The following RFX3 variants were observed in gnomAD, a reference collection of about 807,000 sequenced individuals.
RFX3 encodes transcription factor RFX3.
In RFX3, 14 loss-of-function variants were observed where a neutral mutation model predicts 98.6. The ratio of observed to expected loss-of-function variants is 0.14; its 90% CI spans 0.09 to 0.22. The LOEUF is 0.22. Ranked by LOEUF, RFX3 falls within the 10% of genes least tolerant of loss-of-function variation. The pLI is 1.00. For missense variants in RFX3, 639 were observed against 926.9 expected (o/e 0.69, Z 4.03); for synonymous variants, 383 against 328.4 (o/e 1.17, Z -1.80).
chr9:3,279,750 T>C (rs1184296217), intron 7 of RFX3, among the ~76,000 whole-genome samples: 1 of 151,866 alleles, frequency 6.6e-6, no homozygotes, highest in Non-Finnish European at 1.5e-5. Flanking sequence ...TGGAGACAGC[T>C]GTTAGTATTG....
chr9:3,336,095 T>C (rs1833144236), intron 3 of RFX3, among the ~76,000 whole-genome samples: 1 of 152,180 alleles, frequency 6.6e-6, no homozygotes, highest in Non-Finnish European at 1.5e-5. Context: ...AATCAACCAA[T>C]GGCATGAAAG....
At chr9:3,496,593 T>A (rs115246154) in intron 1 of RFX3, among the ~76,000 whole-genome samples, 1 of 152,044 alleles carries the variant, frequency 6.6e-6, no homozygotes, top group East Asian at 1.9e-4. Flanking sequence ...AATTCTGTAC[T>A]ATCACGTTAA....
intron 14 of RFX3, among the ~76,000 whole-genome samples, chr9:3,256,362 T>C (rs1249775380): frequency 2.0e-5 from 3 of 149,800 alleles, no homozygotes; most frequent in African/African-American, 7.3e-5. Flanking sequence ...TTTACATTAA[T>C]TCTGATGTGC....
chr9:3,349,769 C>A (rs761369022), intron 2 of RFX3, among the ~76,000 whole-genome samples: 2 of 152,016 alleles, frequency 1.3e-5, no homozygotes, highest in East Asian at 3.9e-4. Flanking sequence ...CTGTTCTGAA[C>A]CTTGCTTCTT....
chr9:3,285,607 T>C (rs1379534995), intron 7 of RFX3, among the ~76,000 whole-genome samples: 2 of 151,582 alleles, frequency 1.3e-5, no homozygotes, highest in African/African-American at 4.8e-5. Flanking sequence ...CCCATGCAAT[T>C]GGCAACAGTA....
At chr9:3,330,703 T>C (rs1832494116) in intron 3 of RFX3, among the ~76,000 whole-genome samples, 186 bp from the exon 4 acceptor site, 1 of 152,210 alleles carries the variant, frequency 6.6e-6, no homozygotes, top group Non-Finnish European at 1.5e-5. Context: ...AAGGGGCCAC[T>C]CATTTAAATA....
At chr9:3,483,812 C>T (rs1485758802) in intron 1 of RFX3, among the ~76,000 whole-genome samples, 1 of 152,086 alleles carries the variant, frequency 6.6e-6, no homozygotes, top group Admixed American at 6.6e-5. Context: ...ACATGCATTA[C>T]CTGAGTAAAT....
At chr9:3,319,452 CTAAT>C (rs1177301612) in intron 4 of RFX3, among the ~76,000 whole-genome samples, 1 of 151,916 alleles carries the variant, frequency 6.6e-6, no homozygotes, top group Admixed American at 6.6e-5. Flanking sequence ...CCAGTTAACT[CTAAT>C]TAAAGGGTGA....
chr9:3,252,902 G>A (rs1187266032), intron 14 of RFX3, among the ~76,000 whole-genome samples: 3 of 152,170 alleles, frequency 2.0e-5, no homozygotes, highest in Non-Finnish European at 4.4e-5. Flanking sequence ...AGAATCAGTT[G>A]AATTGTATCA....
chr9:3,497,649 G>A (rs2133596955), intron 1 of RFX3, among the ~76,000 whole-genome samples: 1 of 151,918 alleles, frequency 6.6e-6, no homozygotes, highest in East Asian at 1.9e-4. Context: ...TATTATTACA[G>A]GAATGTGAAA....
intron 14 of RFX3, among the ~76,000 whole-genome samples, chr9:3,252,493 T>C (rs1397151115): frequency 6.6e-6 from 1 of 152,068 alleles, no homozygotes; most frequent in Non-Finnish European, 1.5e-5. Flanking sequence ...TGGATTGAAG[T>C]GAGGAAACGA....
At chr9:3,339,717 G>A (rs936378456) in intron 3 of RFX3, among the ~76,000 whole-genome samples, 2 of 152,060 alleles carry the variant, frequency 1.3e-5, no homozygotes, top group Non-Finnish European at 2.9e-5. Context: ...AGAGACAAGT[G>A]ATCAGTTAAG....
chr9:3,504,460 C>T (rs1587880810), intron 1 of RFX3, among the ~76,000 whole-genome samples: 1 of 121,984 alleles, frequency 8.2e-6, no homozygotes, highest in Non-Finnish European at 1.6e-5. Context: ...TATTATATGC[C>T]ATATGGTATA....
chr9:3,283,454 A>G (rs968852918), intron 7 of RFX3, among the ~76,000 whole-genome samples: 1 of 151,756 alleles, frequency 6.6e-6, no homozygotes, highest in Non-Finnish European at 1.5e-5. Context: ...TACACTCTGC[A>G]GAAGTGCCTA....
intron 1 of RFX3, among the ~76,000 whole-genome samples, chr9:3,471,497 T>C (rs967517988): frequency 6.6e-6 from 1 of 152,242 alleles, no homozygotes; most frequent in African/African-American, 2.4e-5. Flanking sequence ...GAAACATTTC[T>C]ATGCCTACCC....
chr9:3,393,021 T>G (rs1840469765), intron 2 of RFX3, among the ~76,000 whole-genome samples: 3 of 108,488 alleles, frequency 2.8e-5, no homozygotes, highest in African/African-American at 1.1e-4. Flanking sequence ...TATGGTTCAA[T>G]CTGTCAAGAA....
intron 14 of RFX3, among the ~76,000 whole-genome samples, chr9:3,254,378 A>G (rs1305450232): frequency 6.6e-6 from 1 of 152,040 alleles, no homozygotes; most frequent in Non-Finnish European, 1.5e-5. Flanking sequence ...TTGGATGTAG[A>G]GGATGGACTC....
intron 2 of RFX3, among the ~76,000 whole-genome samples, chr9:3,370,256 G>C (rs1298508267): frequency 6.6e-6 from 1 of 150,540 alleles, no homozygotes; most frequent in Non-Finnish European, 1.5e-5. Context: ...TAATATATAG[G>C]GTTCAATTCA....
intron 7 of RFX3, among the ~76,000 whole-genome samples, chr9:3,281,539 C>A (rs1825915146): frequency 6.6e-6 from 1 of 151,690 alleles, no homozygotes; most frequent in Non-Finnish European, 1.5e-5. Context: ...CTGAGAAAGA[C>A]CTGTGCTTTA....
Sources: gnomAD v4.1 joint callset for allele counts (sites outside exome capture counted in the v4.1 genomes callset) on GRCh38, gnomAD v4.1.1 for gene constraint, MANE v1.5 for transcripts, NCBI Gene and HGNC (gene_info 2026-07-23, HGNC 2026-07-21) for gene names.